Variants in PTK2B observed in about 807,000 individuals in gnomAD.
PTK2B encodes the protein protein tyrosine kinase 2 beta.
PTK2B carries 71 observed loss-of-function variants against 142.9 expected under a neutral mutation model. The observed-to-expected ratio is 0.50, with a 90% CI of 0.41 to 0.61. The LOEUF is 0.61. PTK2B is among the 20% of genes least tolerant of loss of function. PTK2B has a pLI of 0.00. For synonymous variants in PTK2B, 519 were observed against 503.4 expected, an observed-to-expected ratio of 1.03 and a Z score of -0.42; for missense variants, 1,105 against 1,320.4, an observed-to-expected ratio of 0.84 and a Z score of 2.53.
chr8:27,384,413 T>C (rs1434840817), intron 1 of PTK2B, among the ~76,000 whole-genome samples: 2 of 152,224 alleles, frequency 1.3e-5, no homozygotes, highest in African/African-American at 4.8e-5. Context: ...CTCTAAACAA[T>C]TTTTGGTGGA....
intron 30 of PTK2B, among the ~76,000 whole-genome samples, chr8:27,457,418 T>C (rs987796433): frequency 1.3e-5 from 2 of 152,230 alleles, no homozygotes; most frequent in African/African-American, 4.8e-5. Flanking sequence ...TTTCACTGCA[T>C]CCATTCTGCA....
intron 1 of PTK2B, among the ~76,000 whole-genome samples, chr8:27,365,561 T>C (rs1398926361): frequency 1.3e-5 from 2 of 152,212 alleles, no homozygotes; most frequent in Non-Finnish European, 2.9e-5. Flanking sequence ...AGATCTGCCA[T>C]TTCCTACCTC....
At chr8:27,442,576 A>C (rs1311078854) in intron 21 of PTK2B, among the ~76,000 whole-genome samples, 1 of 152,186 alleles carries the variant, frequency 6.6e-6, no homozygotes, top group Non-Finnish European at 1.5e-5. Context: ...AGGCCTGAGG[A>C]GTGGGGCTGC....
chr8:27,399,014 G>C (rs549347598), intron 2 of PTK2B, among the ~76,000 whole-genome samples: 4 of 152,202 alleles, frequency 2.6e-5, no homozygotes, highest in Admixed American at 2.6e-4. Context: ...AGGCACAATT[G>C]TGTCCTGAGA....
At chr8:27,417,740 G>A (rs529639581) in intron 2 of PTK2B, among the ~76,000 whole-genome samples, 4 of 152,270 alleles carry the variant, frequency 2.6e-5, no homozygotes, top group East Asian at 3.9e-4. Flanking sequence ...TGTTTACTTT[G>A]TATATGTTTG....
At chr8:27,349,721 T>C (rs896742945) in intron 1 of PTK2B, among the ~76,000 whole-genome samples, 8 of 152,236 alleles carry the variant, frequency 5.3e-5, no homozygotes, top group African/African-American at 1.9e-4. Flanking sequence ...GTTTTACAAA[T>C]TTTAGAATAA....
intron 2 of PTK2B, among the ~76,000 whole-genome samples, chr8:27,399,295 G>A (rs1259694929): frequency 2.0e-5 from 3 of 152,214 alleles, no homozygotes; most frequent in Non-Finnish European, 1.5e-5. Context: ...AAAAGAGGTA[G>A]GATTTAAAGC....
At chr8:27,343,261 CCTT>C (rs1198127262) in intron 1 of PTK2B, among the ~76,000 whole-genome samples, 1 of 152,162 alleles carries the variant, frequency 6.6e-6, no homozygotes, top group African/African-American at 2.4e-5. Flanking sequence ...TCCAGATCCA[CCTT>C]CTTCTTCTGG....
chr8:27,429,316 A>G (rs1810268585), intron 5 of PTK2B, among the ~76,000 whole-genome samples: 1 of 152,354 alleles, frequency 6.6e-6, no homozygotes, highest in East Asian at 1.9e-4. Context: ...CTTTTACCAG[A>G]TATTTATAAG....
intron 1 of PTK2B, among the ~76,000 whole-genome samples, chr8:27,346,257 C>CG (rs1210004821): frequency 6.6e-6 from 1 of 152,184 alleles, no homozygotes; most frequent in Non-Finnish European, 1.5e-5. Context: ...GCTTTCTTTG[C>CG]GGGGTGCTGT....
At chr8:27,310,534 G>A (rs1802905854), upstream of PTK2B, among the ~76,000 whole-genome samples, 3 of 152,392 alleles carry the variant, frequency 2.0e-5, no homozygotes, top group South Asian at 6.2e-4. Context: ...GGGCCCTTCA[G>A]AAGCAAGTGT....
chr8:27,374,799 C>T (rs1320853083), intron 1 of PTK2B, among the ~76,000 whole-genome samples: 1 of 152,144 alleles, frequency 6.6e-6, no homozygotes, highest in Non-Finnish European at 1.5e-5. Flanking sequence ...AATGTAGAAA[C>T]CAGAAAACGT....
At chr8:27,371,126 C>T (rs897939802) in intron 1 of PTK2B, among the ~76,000 whole-genome samples, 2 of 152,090 alleles carry the variant, frequency 1.3e-5, no homozygotes, top group African/African-American at 4.8e-5. Flanking sequence ...AACTCCTGGC[C>T]TCAAGTGATA....
At chr8:27,369,361 A>C (rs753888810) in intron 1 of PTK2B, among the ~76,000 whole-genome samples, 2 of 152,158 alleles carry the variant, frequency 1.3e-5, no homozygotes, top group African/African-American at 4.8e-5. Flanking sequence ...GCCAAGTGAC[A>C]CAGGAGTTCA....
At chr8:27,399,440 A>T (rs1231777655) in intron 2 of PTK2B, among the ~76,000 whole-genome samples, 1 of 152,244 alleles carries the variant, frequency 6.6e-6, no homozygotes, top group Admixed American at 6.5e-5. Flanking sequence ...TAAAATCAAG[A>T]TCAAAAAGGA....
chr8:27,337,217 C>T (rs1804127389), intron 1 of PTK2B, among the ~76,000 whole-genome samples: 1 of 152,014 alleles, frequency 6.6e-6, no homozygotes, highest in African/African-American at 2.4e-5. Context: ...CTCACTGCAA[C>T]CTCTCCCTCC....
intron 1 of PTK2B, among the ~76,000 whole-genome samples, chr8:27,378,507 G>C (rs1806803776): frequency 6.6e-6 from 1 of 152,118 alleles, no homozygotes; most frequent in Non-Finnish European, 1.5e-5. Context: ...AAAAGCTGAG[G>C]TCAGATAGAT....
chr8:27,438,041 T>C, intron 18 of PTK2B, 161 bp downstream of exon 18: 2 of 626,200 alleles, frequency 3.2e-6, no homozygotes, highest in Non-Finnish European at 5.6e-6. Flanking sequence ...TCTGACCCTG[T>C]GTCCTCATCT....
chr8:27,458,224 CT>C, intron 30 of PTK2B, 69 bp from the exon 31 acceptor site: 1 of 1,487,736 alleles, frequency 6.7e-7, no homozygotes, highest in Non-Finnish European at 9.2e-7. Context: ...GTGGACACCT[CT>C]GTGGCTTCCC....
Sources: allele counts gnomAD v4.1 joint callset (sites outside exome capture counted in the v4.1 genomes callset), GRCh38; gene constraint gnomAD v4.1.1; transcripts MANE v1.5; gene names NCBI Gene and HGNC (gene_info 2026-07-23, HGNC 2026-07-21).